The following NAALADL2 variants were observed in gnomAD, a reference collection of about 807,000 sequenced individuals.
NAALADL2 encodes the protein inactive N-acetylated-alpha-linked acidic dipeptidase-like protein 2.
A neutral mutation model predicts 87.2 loss-of-function variants in NAALADL2; 76 were observed. The ratio of observed to expected loss-of-function variants is 0.87; its 90% CI spans 0.72 to 1.05. The LOEUF is 1.05. Ranked by LOEUF, NAALADL2 falls within the 50% of genes least tolerant of loss-of-function variation. NAALADL2 has a pLI of 0.00. For missense variants in NAALADL2, 1,089 were observed against 945.8 expected (o/e 1.15, Z -1.99); for synonymous variants, 354 against 331.0 (o/e 1.07, Z -0.75).
At chr3:175,306,226 C>T (rs1200486284) in intron 4 of NAALADL2, among the ~76,000 whole-genome samples, 1 of 151,948 alleles carries the variant, frequency 6.6e-6, no homozygotes, top group Admixed American at 6.6e-5. Context: ...TTTTGAGATC[C>T]TTTGGTAAAA....
chr3:174,549,178 C>A (rs766715348), intron 1 of NAALADL2, among the ~76,000 whole-genome samples: 19 of 152,166 alleles, frequency 1.2e-4, no homozygotes, highest in Non-Finnish European at 2.1e-4. Context: ...TTTTTATTTA[C>A]AATGCAACTT....
intron 1 of NAALADL2, among the ~76,000 whole-genome samples, chr3:174,914,214 C>T (rs541323659): frequency 3.6e-4 from 55 of 152,010 alleles, no homozygotes; most frequent in Admixed American, 3.1e-3. Context: ...AGGCACCCAC[C>T]ACCACATCAG....
chr3:175,232,388 CT>C (rs950114339), intron 2 of NAALADL2, among the ~76,000 whole-genome samples: 1 of 152,012 alleles, frequency 6.6e-6, no homozygotes, highest in Non-Finnish European at 1.5e-5. Flanking sequence ...TCAGACTTAC[CT>C]TTTATCTTGT....
intron 5 of NAALADL2, among the ~76,000 whole-genome samples, chr3:175,396,761 G>T (rs758074016): frequency 6.6e-6 from 1 of 152,038 alleles, no homozygotes; most frequent in Non-Finnish European, 1.5e-5. Context: ...TTGTGACTGA[G>T]TGAGTCCTCA....
intron 2 of NAALADL2, among the ~76,000 whole-genome samples, chr3:174,577,537 C>T (rs1715666289): frequency 6.6e-6 from 1 of 152,126 alleles, no homozygotes; most frequent in East Asian, 1.9e-4. Context: ...CTTTTTTGAC[C>T]TCTGGACTAT....
At chr3:175,090,879 G>T (rs770954610) in intron 1 of NAALADL2, among the ~76,000 whole-genome samples, 43 of 147,768 alleles carry the variant, frequency 2.9e-4, no homozygotes, top group Non-Finnish European at 5.7e-4. Flanking sequence ...CTTTTATGTG[G>T]TTGATGTACA....
At chr3:174,792,528 A>G (rs377349771) in intron 3 of NAALADL2, among the ~76,000 whole-genome samples, 1 of 152,162 alleles carries the variant, frequency 6.6e-6, no homozygotes, top group African/African-American at 2.4e-5. Flanking sequence ...TGGCTGTGGC[A>G]TCAATTCTTC....
At chr3:175,393,636 G>A (rs62288016) in intron 5 of NAALADL2, among the ~76,000 whole-genome samples, 39,375 of 151,734 alleles carry the variant, frequency 0.26, 5,420 homozygotes, top group East Asian at 0.47. Context: ...TTTCTCTCTG[G>A]ATTATTTGAG....
intron 1 of NAALADL2, among the ~76,000 whole-genome samples, chr3:174,876,501 G>A (rs573847323): frequency 6.6e-6 from 1 of 152,214 alleles, no homozygotes; most frequent in East Asian, 1.9e-4. Context: ...AGAATTATAC[G>A]CATAGGTAGG....
At chr3:174,523,234 A>C (rs1720441966) in intron 1 of NAALADL2, among the ~76,000 whole-genome samples, 1 of 152,200 alleles carries the variant, frequency 6.6e-6, no homozygotes, top group African/African-American at 2.4e-5. Flanking sequence ...TAAACTTGTT[A>C]GGTGATGAGA....
At chr3:174,574,482 A>T (rs950854433) in intron 2 of NAALADL2, among the ~76,000 whole-genome samples, 4 of 152,086 alleles carry the variant, frequency 2.6e-5, no homozygotes, top group Non-Finnish European at 4.4e-5. Context: ...TGAACATGAT[A>T]TGTTATATTT....
intron 1 of NAALADL2, among the ~76,000 whole-genome samples, chr3:175,031,885 T>A (rs1752838332): frequency 6.6e-6 from 1 of 152,082 alleles, no homozygotes; most frequent in Non-Finnish European, 1.5e-5. Flanking sequence ...GAGCATTTTT[T>A]CATGTTTGTT....
intron 5 of NAALADL2, among the ~76,000 whole-genome samples, chr3:175,374,561 A>T: frequency 8.6e-6 from 1 of 115,730 alleles, no homozygotes; most frequent in African/African-American, 4.8e-5. Flanking sequence ...CAGAAAAAAA[A>T]AAAAAAAAAA....
At chr3:175,482,539 T>G (rs1260562546) in intron 9 of NAALADL2, among the ~76,000 whole-genome samples, 2 of 151,962 alleles carry the variant, frequency 1.3e-5, no homozygotes, top group Non-Finnish European at 2.9e-5. Flanking sequence ...TAAGTTATCA[T>G]TTGTATATGT....
intron 1 of NAALADL2, among the ~76,000 whole-genome samples, chr3:174,528,197 T>G (rs1315368232): frequency 6.6e-6 from 1 of 152,224 alleles, no homozygotes; most frequent in Non-Finnish European, 1.5e-5. Flanking sequence ...CCTCTAGATT[T>G]AATCAAAGCA....
At chr3:175,742,382 T>C (rs981554731) in intron 12 of NAALADL2, among the ~76,000 whole-genome samples, 3 of 152,148 alleles carry the variant, frequency 2.0e-5, no homozygotes, top group African/African-American at 7.2e-5. Flanking sequence ...GTAAGTTTTT[T>C]TGTTTGTTTG....
chr3:174,723,695 G>GC (rs1477424619), intron 2 of NAALADL2, among the ~76,000 whole-genome samples: 1 of 138,122 alleles, frequency 7.2e-6, no homozygotes, highest in African/African-American at 2.7e-5. Flanking sequence ...GGCGGAGCTC[G>GC]CAGTGAGCAG....
chr3:174,978,067 G>A (rs1337800552), intron 1 of NAALADL2, among the ~76,000 whole-genome samples: 1 of 152,188 alleles, frequency 6.6e-6, no homozygotes, highest in East Asian at 1.9e-4. Context: ...GAGGAAACAA[G>A]CGTAGAAAAA....
At chr3:174,841,791 C>G (rs989046687) in intron 3 of NAALADL2, among the ~76,000 whole-genome samples, 1 of 152,098 alleles carries the variant, frequency 6.6e-6, no homozygotes, top group Non-Finnish European at 1.5e-5. Context: ...AGGGTTTTAT[C>G]TGTAGATTTT....
Sources: allele counts gnomAD v4.1 joint callset (sites outside exome capture counted in the v4.1 genomes callset), GRCh38; gene constraint gnomAD v4.1.1; transcripts MANE v1.5; gene names NCBI Gene and HGNC (gene_info 2026-07-23, HGNC 2026-07-21).